Variants in SLC25A21 observed in about 807,000 individuals in gnomAD.
SLC25A21 encodes mitochondrial 2-oxodicarboxylate carrier.
In SLC25A21, 47 loss-of-function variants were observed where a neutral mutation model predicts 43.8. The ratio of observed to expected loss-of-function variants is 1.07; its 90% CI spans 0.85 to 1.37. The LOEUF is 1.37. Among genes scored for constraint, SLC25A21 ranks in the 40% most tolerant of loss-of-function variants. The pLI is 0.00. For missense variants in SLC25A21, 352 were observed against 350.2 expected (o/e 1.00, Z -0.04); for synonymous variants, 131 against 121.3 (o/e 1.08, Z -0.52).
intron 1 of SLC25A21, among the ~76,000 whole-genome samples, chr14:37,152,600 G>C (rs1963777973): frequency 2.0e-5 from 3 of 152,062 alleles, no homozygotes; most frequent in Admixed American, 2.0e-4. Context: ...AGAGCGCAGA[G>C]AAGTCAGAAA....
intron 7 of SLC25A21, among the ~76,000 whole-genome samples, chr14:36,691,137 A>T (rs1882778374): frequency 6.6e-6 from 1 of 152,208 alleles, no homozygotes; most frequent in Admixed American, 6.5e-5. Flanking sequence ...TCTATTATTT[A>T]GAAGTGAAGA....
intron 8 of SLC25A21, 98 bp downstream of exon 8, chr14:36,684,646 A>T (rs1235038242): frequency 2.7e-6 from 3 of 1,127,852 alleles, no homozygotes; most frequent in Non-Finnish European, 3.7e-6. Flanking sequence ...AGCTCCACTT[A>T]GGAGGGCTTA....
chr14:36,991,198 A>G (rs1323462083), intron 1 of SLC25A21, among the ~76,000 whole-genome samples: 1 of 152,210 alleles, frequency 6.6e-6, no homozygotes, highest in Non-Finnish European at 1.5e-5. Flanking sequence ...TGGTTTCTGT[A>G]CAAAGCTGTT....
In SLC25A21 at chr14:37,040,386, A is replaced by G. The variant is rs1229794484; in HGVS notation, c.70+131895T>C. Among the ~76,000 whole-genome samples, 27 of 68,642 alleles carry G rather than the reference A, an allele frequency of 3.9e-4. 1 individual carries two copies. The highest frequency in any genetic ancestry group is 1.0e-3 in the African/African-American group (7 of 6,754). 45.0% of individuals were successfully genotyped at this position (68,642 alleles called of 152,430 possible). ...GAGAGAGAGAGAGAGAAAGAAAGAA[A>G]GAAAGAAAGAAAGAAAGAAAGAAAG... On this transcript the variant is annotated intron_variant, in intron 1 of 9. Coordinates refer to ENST00000331299, the MANE Select transcript of SLC25A21 (RefSeq NM_030631.4).
At chr14:37,071,977 T>A (rs148829698) in intron 1 of SLC25A21, among the ~76,000 whole-genome samples, 3,987 of 149,984 alleles carry the variant, frequency 0.027, 68 homozygotes, top group Middle Eastern at 0.048. Flanking sequence ...AGGTCAGGAG[T>A]TCAAGACCAG....
At chr14:37,081,512 C>T (rs1962387600) in intron 1 of SLC25A21, among the ~76,000 whole-genome samples, 2 of 152,084 alleles carry the variant, frequency 1.3e-5, no homozygotes, top group African/African-American at 4.8e-5. Context: ...CCAAATGGTC[C>T]CTGTCTCCCA....
At chr14:36,714,343 T>C (rs1239816116) in intron 6 of SLC25A21, among the ~76,000 whole-genome samples, 2 of 152,222 alleles carry the variant, frequency 1.3e-5, no homozygotes, top group African/African-American at 4.8e-5. Context: ...CAGAAATGCA[T>C]GCAGAATGCA....
At chr14:36,915,615 T>C (rs1336707922) in intron 1 of SLC25A21, among the ~76,000 whole-genome samples, 1 of 152,158 alleles carries the variant, frequency 6.6e-6, no homozygotes, top group Non-Finnish European at 1.5e-5. Flanking sequence ...CTTGCTGTGA[T>C]ACATGTGCCT....
At chr14:37,123,097 G>A (rs1212704292) in intron 1 of SLC25A21, among the ~76,000 whole-genome samples, 1 of 152,208 alleles carries the variant, frequency 6.6e-6, no homozygotes, top group African/African-American at 2.4e-5. Flanking sequence ...TGTTAAAAAT[G>A]TAAATTGGTT....
intron 3 of SLC25A21, among the ~76,000 whole-genome samples, chr14:36,746,709 C>T (rs1360505437): frequency 2.0e-5 from 3 of 152,114 alleles, no homozygotes; most frequent in Admixed American, 2.0e-4. Flanking sequence ...TTTCTTATCT[C>T]CTGTTTCTAG....
chr14:36,724,920 T>C (rs1884531191), intron 6 of SLC25A21, among the ~76,000 whole-genome samples: 1 of 152,208 alleles, frequency 6.6e-6, no homozygotes, highest in African/African-American at 2.4e-5. Context: ...TAGTCCATTC[T>C]AGAGCAATTG....
intron 2 of SLC25A21, among the ~76,000 whole-genome samples, chr14:36,858,863 G>A (rs1306334200): frequency 6.6e-6 from 1 of 151,958 alleles, no homozygotes; most frequent in Non-Finnish European, 1.5e-5. Context: ...TAGATTTTAG[G>A]GTCATTTCTT....
At chr14:37,123,844 T>C (rs1963252543) in intron 1 of SLC25A21, among the ~76,000 whole-genome samples, 2 of 152,076 alleles carry the variant, frequency 1.3e-5, no homozygotes, top group Admixed American at 1.3e-4. Context: ...GGTGACATAG[T>C]GAGAACTCGT....
chr14:36,764,706 C>T (rs980606208), intron 3 of SLC25A21, among the ~76,000 whole-genome samples: 8 of 151,854 alleles, frequency 5.3e-5, no homozygotes, highest in Middle Eastern at 3.2e-3. Flanking sequence ...GTGTTTGGAG[C>T]TCCAGCAGTT....
chr14:36,854,515 A>C (rs750456437), intron 2 of SLC25A21, among the ~76,000 whole-genome samples: 2 of 152,224 alleles, frequency 1.3e-5, no homozygotes, highest in Non-Finnish European at 2.9e-5. Flanking sequence ...AATGGAGATA[A>C]TACTAGTATT....
chr14:36,905,823 C>T (rs984295284), intron 1 of SLC25A21, among the ~76,000 whole-genome samples: 1 of 152,126 alleles, frequency 6.6e-6, no homozygotes, highest in South Asian at 2.1e-4. Context: ...TCTCTGTGAC[C>T]TTGTCCCTTG....
At chr14:36,804,836 A>G (rs2138426733) in intron 3 of SLC25A21, among the ~76,000 whole-genome samples, 2 of 152,244 alleles carry the variant, frequency 1.3e-5, no homozygotes, top group East Asian at 3.9e-4. Context: ...CTCTTTTTCC[A>G]TTTGATTTGA....
chr14:36,748,668 C>A (rs1885589640), intron 3 of SLC25A21, among the ~76,000 whole-genome samples: 1 of 152,120 alleles, frequency 6.6e-6, no homozygotes, highest in African/African-American at 2.4e-5. Flanking sequence ...AGAAGACAAC[C>A]CTAGGGCTTA....
intron 1 of SLC25A21, among the ~76,000 whole-genome samples, chr14:36,884,826 T>C (rs190426540): frequency 6.6e-6 from 1 of 152,310 alleles, no homozygotes; most frequent in African/African-American, 2.4e-5. Flanking sequence ...ATGGGGTATC[T>C]GTTTTCTTCC....
Sources: gnomAD v4.1 joint callset for allele counts (sites outside exome capture counted in the v4.1 genomes callset) on GRCh38, gnomAD v4.1.1 for gene constraint, MANE v1.5 for transcripts, NCBI Gene and HGNC (gene_info 2026-07-23, HGNC 2026-07-21) for gene names.